The following LIFR variants were observed in gnomAD, a reference collection of about 807,000 sequenced individuals.
LIFR encodes the protein LIF receptor subunit alpha, also known as leukemia inhibitory factor receptor.
A neutral mutation model predicts 122.2 loss-of-function variants in LIFR; 84 were observed. That is an observed-to-expected ratio of 0.69 (90% CI 0.58 to 0.82). LIFR has a LOEUF of 0.82. LIFR is among the 40% of genes least tolerant of loss of function. The probability of loss-of-function intolerance (pLI) is 0.00; values close to 1 mark genes in which losing one functional copy is unlikely to be tolerated. For synonymous variants in LIFR, 422 were observed against 434.7 expected, an observed-to-expected ratio of 0.97 and a Z score of 0.36; for missense variants, 1,294 against 1,311.6, an observed-to-expected ratio of 0.99 and a Z score of 0.21.
chr5:38,575,450 A>G (rs1749353665), intron 1 of LIFR, among the ~76,000 whole-genome samples: 2 of 152,194 alleles, frequency 1.3e-5, no homozygotes, highest in African/African-American at 2.4e-5. Context: ...GATTACTTCA[A>G]TTTACGGAGA....
chr5:38,504,142 G>A (rs1463693132), intron 9 of LIFR, 21 bp from the exon 10 acceptor site: 2 of 1,431,326 alleles, frequency 1.4e-6, no homozygotes, highest in Non-Finnish European at 2.0e-6. Flanking sequence ...AATTTTTAAA[G>A]ATTAAACACT....
In LIFR at chr5:38,536,369, C is replaced by T. The variant is rs28501672; in HGVS notation, c.-19-5703G>A. The stretch of plus-strand genomic sequence containing the variant: ...AAAAAAACAGTAAAAAAAAAAGTAC[C>T]GTTTAACAACTGCTTACATAGCATT... On this transcript the variant is annotated intron_variant, in intron 1 of 19. Coordinates refer to ENST00000453190, the MANE Select transcript of LIFR (RefSeq NM_001127671.2). 5.0e-3 allele frequency among the ~76,000 whole-genome samples: 756 copies of T among 151,780 alleles called. 15 individuals are homozygous for T. Among genetic ancestry groups the T allele is most frequent in the Admixed American group, 0.043 (649 of 15,266 alleles).
At position 38,523,572 on chromosome 5, in the gene LIFR, T is replaced by C. The variant is rs1746518018; in HGVS notation, c.408A>G (p.Pro136=). Reference sequence around the variant, plus strand: ...ACAAATTCAAGATCTCTGGAGTATCTGGAATTAAGGCTTTAAAAAGAGGAA... The same window carrying C: ...ACAAATTCAAGATCTCTGGAGTATCCGGAATTAAGGCTTTAAAAAGAGGAA... ...TLNEQNVSLI[P]DTPEILNLSA... is the part of the protein sequence containing the mutation. Residue 136 remains proline, a synonymous_variant, in exon 5 of 20, where the codon CCA becomes CCG. Transcript: ENST00000453190. The C allele has an allele frequency of 6.2e-7, 1 of 1,612,332 alleles. No individual in the cohort carries two copies. The highest frequency in any genetic ancestry group is 8.5e-7 in the Non-Finnish European group (1 of 1,178,680).
At chr5:38,506,956 G>A (rs561498381) in intron 7 of LIFR, among the ~76,000 whole-genome samples, 2 of 152,208 alleles carry the variant, frequency 1.3e-5, no homozygotes, top group South Asian at 4.2e-4. Flanking sequence ...AAAGAAACCT[G>A]AGTCTAATAT....
intron 1 of LIFR, among the ~76,000 whole-genome samples, chr5:38,572,057 A>C (rs1216382811): frequency 6.6e-6 from 1 of 152,178 alleles, no homozygotes; most frequent in African/African-American, 2.4e-5. Flanking sequence ...ATGGAGAAAA[A>C]CGATTCAAAA....
chr5:38,590,668 T>G (rs1417130006), intron 1 of LIFR, among the ~76,000 whole-genome samples: 1 of 152,320 alleles, frequency 6.6e-6, no homozygotes, highest in East Asian at 1.9e-4. Context: ...GAGTCCTCAC[T>G]ATGTACCAGA....
chr5:38,533,287 A>T (rs943650398), intron 1 of LIFR, among the ~76,000 whole-genome samples: 1 of 152,234 alleles, frequency 6.6e-6, no homozygotes, highest in African/African-American at 2.4e-5. Context: ...TCTGCTAAAG[A>T]AAAGTAATCA....
At chr5:38,604,533 C>T (rs1032529056) in intron 2 of LIFR, among the ~76,000 whole-genome samples, 1 of 151,932 alleles carries the variant, frequency 6.6e-6, no homozygotes, top group African/African-American at 2.4e-5. Context: ...ATAGTGAAAC[C>T]CCATCTCTAC....
At position 38,542,213 on chromosome 5, in the gene LIFR, TAGA is replaced by T. The variant is rs527911959; in HGVS notation, c.-19-11550_-19-11548del. ...TAAGTGCCAGCTACTACCTATTTCA[TAGA>T]AGAAGTACCCACATGTGGGGACACT... is the stretch of plus-strand genomic sequence containing the variant. On this transcript the variant is annotated intron_variant, in intron 1 of 19. Coordinates refer to ENST00000453190, the MANE Select transcript of LIFR (RefSeq NM_001127671.2). Among the ~76,000 whole-genome samples the T allele has an allele frequency of 1.4e-4, 22 of 152,330 alleles. No individual in the cohort carries two copies. In the East Asian group the frequency reaches 4.0e-3, roughly 28 times the overall value.
intron 9 of LIFR, among the ~76,000 whole-genome samples, chr5:38,504,591 A>G (rs1203440293): frequency 6.6e-6 from 1 of 152,208 alleles, no homozygotes; most frequent in Non-Finnish European, 1.5e-5. Flanking sequence ...GACAAAAATT[A>G]GCCAAAAAAA....
At chr5:38,515,247 C>G (rs1746010613) in intron 5 of LIFR, among the ~76,000 whole-genome samples, 1 of 152,094 alleles carries the variant, frequency 6.6e-6, no homozygotes. Flanking sequence ...GCGGTCTCGG[C>G]TATTTACCAC....
At chr5:38,524,460 G>C (rs1428794219) in intron 4 of LIFR, among the ~76,000 whole-genome samples, 1 of 152,110 alleles carries the variant, frequency 6.6e-6, no homozygotes, top group Non-Finnish European at 1.5e-5. Context: ...GAGTGACAAG[G>C]ATATAAACTA....
At chr5:38,559,011 G>T (rs1748728802), upstream of LIFR, 2 of 152,212 alleles carry the variant, frequency 1.3e-5, no homozygotes, top group Non-Finnish European at 1.5e-5. Flanking sequence ...AGCTAATTGT[G>T]GTGACAATAT....
At chr5:38,534,418 A>G (rs894841551) in intron 1 of LIFR, among the ~76,000 whole-genome samples, 1 of 152,204 alleles carries the variant, frequency 6.6e-6, no homozygotes, top group Non-Finnish European at 1.5e-5. Flanking sequence ...ACTAGACTGC[A>G]CAGGAAGGCA....
rs114150074 is a variant in LIFR at position 38,606,608 on chromosome 5, C to T, written n.204-302G>A. ...AAATAGTAATAAGAGCTGCTGCTTT[C>T]ACATCTGATTCCATCCTAAACATTA... On this transcript the variant is annotated intron_variant and non_coding_transcript_variant, in intron 1 of 3. Coordinates refer to the LIFR transcript ENST00000507786. Among the ~76,000 whole-genome samples, 304 of 152,344 alleles carry T rather than the reference C, an allele frequency of 2.0e-3. 1 individual carries two copies. Among genetic ancestry groups the T allele is most frequent in the African/African-American group, 7.1e-3 (296 of 41,576 alleles).
intron 1 of LIFR, 117 bp downstream of exon 1, chr5:38,556,217 G>A (rs1025894974): frequency 6.6e-6 from 1 of 152,000 alleles, no homozygotes; most frequent in Non-Finnish European, 1.5e-5. Context: ...ACTCCCCTAG[G>A]ACGCTCCGCA....
chr5:38,480,532 GA>G lies in LIFR; in HGVS notation c.*1062del, dbSNP rs1174517118. 4.6e-5 allele frequency: 10 copies of G among 217,388 alleles called. No homozygotes were observed. The highest frequency in any genetic ancestry group is 9.3e-5 in the Non-Finnish European group (10 of 107,998). 13.5% of individuals were successfully genotyped at this position (217,388 alleles called of 1,614,324 possible). ...ACTGGATCAGATAATGTGGCATGAT[GA>G]AAAGACTCATGAGTGGGAGGAACAT... is the stretch of plus-strand genomic sequence containing the variant. On this transcript the variant is annotated 3_prime_UTR_variant, in exon 20 of 20. Transcript: ENST00000453190.
intron 1 of LIFR, among the ~76,000 whole-genome samples, chr5:38,562,764 C>T (rs1748883189): frequency 6.6e-6 from 1 of 152,142 alleles, no homozygotes; most frequent in Non-Finnish European, 1.5e-5. Flanking sequence ...ACTTAATCCA[C>T]CACCTTCAAT....
intron 18 of LIFR, among the ~76,000 whole-genome samples, chr5:38,484,019 C>T (rs1744139394): frequency 6.6e-6 from 1 of 152,200 alleles, no homozygotes; most frequent in African/African-American, 2.4e-5. Context: ...ATTCCTGTTT[C>T]ACCAGGCACA....
Sources: allele counts gnomAD v4.1 joint callset (sites outside exome capture counted in the v4.1 genomes callset), GRCh38; gene constraint gnomAD v4.1.1; transcripts MANE v1.5; gene names NCBI Gene and HGNC (gene_info 2026-07-23, HGNC 2026-07-21).